Variants in DOCK1 observed in about 807,000 individuals in gnomAD.
DOCK1 encodes dedicator of cytokinesis protein 1.
In DOCK1, 138 loss-of-function variants were observed where a neutral mutation model predicts 262.7. That is an observed-to-expected ratio of 0.53 (90% CI 0.46 to 0.61). The LOEUF (loss-of-function observed/expected upper bound fraction) is 0.61. Ranked by LOEUF, DOCK1 falls within the 20% of genes least tolerant of loss-of-function variation. DOCK1 has a pLI of 0.00. For missense variants in DOCK1, 1,908 were observed against 2,370.7 expected (o/e 0.80, Z 4.05); for synonymous variants, 866 against 867.4 (o/e 1.00, Z 0.03).
intron 29 of DOCK1, among the ~76,000 whole-genome samples, chr10:127,317,504 G>A (rs754325359): frequency 4.6e-5 from 7 of 152,078 alleles, no homozygotes; most frequent in South Asian, 4.1e-4. Context: ...TTCTCTGCTC[G>A]CCCAGCACAA....
chr10:127,175,725 A>G lies in DOCK1; in HGVS notation c.2847+47961A>G. The G allele has an allele frequency of 6.2e-7, 1 of 1,614,000 alleles. No homozygotes were observed. Among genetic ancestry groups the G allele is most frequent in the Non-Finnish European group, 8.5e-7 (1 of 1,179,996 alleles). ...CCGGTCCTGCTTGGCCCTCCCGAGC[A>G]GCTGGTAATCGGGCTCTTCGGATGG... On this transcript the variant is annotated intron_variant, in intron 27 of 51. Transcript: ENST00000623213. The surrounding 1 kb of genome is among the most constrained non-coding windows in gnomAD (Gnocchi z 6.3).
chr10:127,243,340 A>G (rs889506822), intron 27 of DOCK1, among the ~76,000 whole-genome samples: 4 of 151,962 alleles, frequency 2.6e-5, no homozygotes, highest in African/African-American at 9.7e-5. Context: ...TTTTGTTTTT[A>G]TATCCTGCAA....
At chr10:127,415,055 C>A (rs2068077367) in intron 43 of DOCK1, 97 bp from the exon 44 acceptor site, 1 of 1,148,142 alleles carries the variant, frequency 8.7e-7, no homozygotes, top group Non-Finnish European at 1.3e-6. Flanking sequence ...AAGGACCTGA[C>A]TCCTTTGGAG....
intron 27 of DOCK1, among the ~76,000 whole-genome samples, chr10:127,235,350 C>G (rs987558604): frequency 2.5e-5 from 1 of 40,804 alleles, no homozygotes; most frequent in South Asian, 1.4e-3. Flanking sequence ...CTAGTACTGC[C>G]TTTTCTAGAA....
At position 127,185,073 on chromosome 10, in the gene DOCK1, G is replaced by A. The variant is rs114211326; in HGVS notation, c.2847+57309G>A. 4.8e-3 allele frequency among the ~76,000 whole-genome samples: 724 copies of A among 152,310 alleles called. 6 individuals are homozygous for A. Among genetic ancestry groups the A allele is most frequent in the African/African-American group, 0.017 (690 of 41,572 alleles). On this transcript the variant is annotated intron_variant, in intron 27 of 51. Coordinates refer to ENST00000623213, the MANE Select transcript of DOCK1 (RefSeq NM_001290223.2). ...AGTGCTCCCTGGGGAGTCAGGGTAG[G>A]CTCTACCTGGGAGATGTGCAAGAGC... is the stretch of plus-strand genomic sequence containing the variant.
At chr10:127,237,806 T>A (rs2059125604) in intron 27 of DOCK1, among the ~76,000 whole-genome samples, 1 of 152,220 alleles carries the variant, frequency 6.6e-6, no homozygotes. Context: ...TTTATAATAT[T>A]TGTAACATTG....
intron 29 of DOCK1, among the ~76,000 whole-genome samples, chr10:127,293,530 G>C (rs1203809587): frequency 6.6e-6 from 1 of 152,150 alleles, no homozygotes; most frequent in Non-Finnish European, 1.5e-5. Context: ...CACTGTGATG[G>C]CTTTGCCATT....
At chr10:127,219,003 T>C (rs541446250) in intron 27 of DOCK1, among the ~76,000 whole-genome samples, 8 of 152,312 alleles carry the variant, frequency 5.3e-5, no homozygotes, top group South Asian at 4.1e-4. Context: ...AGGGCCTTAA[T>C]CCCACCTCTT....
At chr10:127,049,268 A>G (rs1164934203) in intron 21 of DOCK1, among the ~76,000 whole-genome samples, 1 of 152,152 alleles carries the variant, frequency 6.6e-6, no homozygotes, top group African/African-American at 2.4e-5. Context: ...TATAATCCCA[A>G]CACTTTGGGA....
chr10:127,142,467 G>A (rs1454100064), intron 27 of DOCK1, among the ~76,000 whole-genome samples: 2 of 152,166 alleles, frequency 1.3e-5, no homozygotes, highest in Admixed American at 1.3e-4. Context: ...TTACTCCTGG[G>A]GAGGAGCAGC....
chr10:126,922,822 A>AG (rs761996781), intron 1 of DOCK1, among the ~76,000 whole-genome samples: 2 of 152,228 alleles, frequency 1.3e-5, no homozygotes, highest in Non-Finnish European at 2.9e-5. Context: ...TTAAAAAAAA[A>AG]GATGAGGACC....
In DOCK1 at chr10:127,338,708, T is replaced by A. The variant is rs2063301413; in HGVS notation, c.3045-298T>A. On this transcript the variant is annotated intron_variant, in intron 29 of 51. Coordinates refer to ENST00000623213, the MANE Select transcript of DOCK1 (RefSeq NM_001290223.2). ...TGAGAAAACGATTTAATTTGCACCT[T>A]TTTTTTTCTTTTTTTTAATTAGATT... 2.7e-5 allele frequency among the ~76,000 whole-genome samples: 4 copies of A among 148,464 alleles called. No individual in the cohort carries two copies. In the South Asian group the frequency reaches 8.3e-4, roughly 31 times the overall value.
At chr10:126,906,174 G>GGA (rs1384290064) in intron 1 of DOCK1, among the ~76,000 whole-genome samples, 4 of 152,210 alleles carry the variant, frequency 2.6e-5, no homozygotes, top group African/African-American at 9.6e-5. Context: ...GCGCCCCAGT[G>GGA]GCCCCAGGCC....
intron 29 of DOCK1, among the ~76,000 whole-genome samples, chr10:127,277,769 AG>A (rs2060796569): frequency 6.6e-6 from 1 of 152,220 alleles, no homozygotes; most frequent in African/African-American, 2.4e-5. Context: ...TCTCAAAAAA[AG>A]AACTGAAGAC....
At chr10:127,307,541 G>A (rs938450097) in intron 29 of DOCK1, among the ~76,000 whole-genome samples, 7 of 152,198 alleles carry the variant, frequency 4.6e-5, no homozygotes, top group Non-Finnish European at 8.8e-5. Context: ...TCCCCGATCC[G>A]AGGAGGTGTC....
chr10:127,061,288 T>C (rs562824654), intron 22 of DOCK1, among the ~76,000 whole-genome samples: 10 of 152,316 alleles, frequency 6.6e-5, no homozygotes, highest in South Asian at 2.1e-4. Context: ...TGCATCTTAA[T>C]AGTGTAATTT....
At chr10:126,959,826 T>G (rs976019201) in intron 1 of DOCK1, among the ~76,000 whole-genome samples, 85 of 151,536 alleles carry the variant, frequency 5.6e-4, no homozygotes, top group African/African-American at 2.1e-3. Flanking sequence ...GTTTCTTTCT[T>G]TTTTTTTTGA....
intron 29 of DOCK1, among the ~76,000 whole-genome samples, chr10:127,307,568 TC>T (rs1340531054): frequency 5.3e-5 from 8 of 152,312 alleles, no homozygotes; most frequent in African/African-American, 1.9e-4. Context: ...TCATGATCCT[TC>T]CCGGGCCTGG....
intron 13 of DOCK1, among the ~76,000 whole-genome samples, chr10:127,021,554 G>A (rs1254449277): frequency 2.0e-5 from 3 of 152,176 alleles, no homozygotes; most frequent in Non-Finnish European, 1.5e-5. Flanking sequence ...TATCAGTGAG[G>A]CTGTTTAGTG....
Sources: gnomAD v4.1 joint callset for allele counts (sites outside exome capture counted in the v4.1 genomes callset) on GRCh38, gnomAD v4.1.1 for gene constraint, Gnocchi (gnomAD v3.1) non-coding constraint, MANE v1.5 for transcripts, NCBI Gene and HGNC (gene_info 2026-07-23, HGNC 2026-07-21) for gene names.